ARL6: variants seen among roughly 807,000 people sequenced by gnomAD.
The protein encoded by ARL6 is ARF like GTPase 6, also known as ADP-ribosylation factor-like protein 6.
A neutral mutation model predicts 27.1 loss-of-function variants in ARL6; 18 were observed. The ratio of observed to expected loss-of-function variants is 0.66; its 90% CI spans 0.46 to 0.98. The LOEUF is 0.98. Ranked by LOEUF, ARL6 falls within the 50% of genes least tolerant of loss-of-function variation. The probability of loss-of-function intolerance (pLI) is 0.00; values close to 1 mark genes in which losing one functional copy is unlikely to be tolerated. For missense variants in ARL6, 187 were observed against 214.9 expected, an observed-to-expected ratio of 0.87 and a Z score of 0.81; for synonymous variants, 65 against 72.3, an observed-to-expected ratio of 0.90 and a Z score of 0.51.
At chr3:97,789,135 G>A (rs2037601960) in intron 6 of ARL6, among the ~76,000 whole-genome samples, 1 of 152,144 alleles carries the variant, frequency 6.6e-6, no homozygotes, top group Non-Finnish European at 1.5e-5. Context: ...ACACTTTCCA[G>A]TATTCAGAGC....
chr3:97,787,933 G>C (rs1489972745), intron 5 of ARL6, 57 bp from the exon 6 acceptor site: 3 of 1,596,420 alleles, frequency 1.9e-6, no homozygotes, highest in Non-Finnish European at 2.6e-6. Flanking sequence ...CTAAAGATTT[G>C]CTGCAAAATG....
intron 4 of ARL6, among the ~76,000 whole-genome samples, chr3:97,781,111 G>C (rs1186304069): frequency 6.6e-6 from 1 of 152,046 alleles, no homozygotes; most frequent in African/African-American, 2.4e-5. Context: ...CTCCCTAGTG[G>C]AAGTGTGAAC....
chr3:97,774,981 C>T (rs1259799768), intron 2 of ARL6, among the ~76,000 whole-genome samples: 1 of 152,126 alleles, frequency 6.6e-6, no homozygotes. Context: ...AACTACTTAC[C>T]GCTCACGAGC....
chr3:97,797,590 A>G (rs1576484646), intron 7 of ARL6, among the ~76,000 whole-genome samples: 1 of 152,194 alleles, frequency 6.6e-6, no homozygotes, highest in Non-Finnish European at 1.5e-5. Context: ...TATATTATTT[A>G]GAGGTATTAT....
intron 2 of ARL6, among the ~76,000 whole-genome samples, chr3:97,779,727 G>A (rs554826090): frequency 4.6e-5 from 7 of 152,092 alleles, no homozygotes; most frequent in African/African-American, 9.6e-5. Flanking sequence ...TTAGCCAGGC[G>A]TGGTGGCGGG....
chr3:97,792,992 GCAAA>G (rs999072868), intron 7 of ARL6, among the ~76,000 whole-genome samples: 1 of 151,916 alleles, frequency 6.6e-6, no homozygotes, highest in Non-Finnish European at 1.5e-5. Context: ...TCTGCATGTT[GCAAA>G]CAATAGCAGG....
chr3:97,777,532 G>C (rs1424791851), intron 2 of ARL6, among the ~76,000 whole-genome samples: 1 of 151,930 alleles, frequency 6.6e-6, no homozygotes, highest in Non-Finnish European at 1.5e-5. Context: ...TATTTTTATT[G>C]TTAAATAGTA....
chr3:97,768,855 T>C (rs942973414), intron 2 of ARL6, among the ~76,000 whole-genome samples: 8 of 151,738 alleles, frequency 5.3e-5, no homozygotes, highest in African/African-American at 1.5e-4. Flanking sequence ...TTGGCTTTGC[T>C]TTTTTTTCTT....
chr3:97,771,626 GT>G (rs2036639970), intron 2 of ARL6, among the ~76,000 whole-genome samples: 1 of 148,538 alleles, frequency 6.7e-6, no homozygotes, highest in Non-Finnish European at 1.5e-5. Flanking sequence ...TCTCCATTCA[GT>G]ATATTAGCTC....
chr3:97,767,136 A>T (rs1393171325), intron 1 of ARL6, among the ~76,000 whole-genome samples: 2 of 152,098 alleles, frequency 1.3e-5, no homozygotes, highest in Non-Finnish European at 2.9e-5. Context: ...AGTTTGCATT[A>T]GAAAGAATTT....
intron 2 of ARL6, among the ~76,000 whole-genome samples, chr3:97,773,954 G>C (rs561751920): frequency 6.6e-6 from 1 of 152,254 alleles, no homozygotes; most frequent in Non-Finnish European, 1.5e-5. Context: ...GGAGGGTCTG[G>C]TCCATATGTA....
At chr3:97,768,772 T>C (rs1312857902) in intron 2 of ARL6, among the ~76,000 whole-genome samples, 1 of 152,106 alleles carries the variant, frequency 6.6e-6, no homozygotes, top group African/African-American at 2.4e-5. Flanking sequence ...TGGCACCAAT[T>C]CCTGAGCCTT....
chr3:97,789,823 C>G (rs1004430857), intron 6 of ARL6, among the ~76,000 whole-genome samples: 3 of 152,022 alleles, frequency 2.0e-5, no homozygotes, highest in Non-Finnish European at 4.4e-5. Context: ...AGGTAATGCT[C>G]TCAGTGATAC....
intron 6 of ARL6, among the ~76,000 whole-genome samples, chr3:97,789,856 C>T (rs116292400): frequency 0.014 from 2,095 of 152,118 alleles, 49 homozygotes; most frequent in African/African-American, 0.048. Context: ...TTATCTGTCT[C>T]CTGCCTTGGG....
intron 7 of ARL6, 118 bp from the exon 8 acceptor site, chr3:97,797,906 A>G: frequency 1.1e-6 from 1 of 945,880 alleles, no homozygotes; most frequent in Non-Finnish European, 1.7e-6. Flanking sequence ...AATAATAATA[A>G]CAAAAGCACA....
chr3:97,792,915 C>T (rs2108089705), intron 7 of ARL6, among the ~76,000 whole-genome samples: 1 of 152,080 alleles, frequency 6.6e-6, no homozygotes, highest in Middle Eastern at 3.4e-3. Flanking sequence ...GCTACAGTCT[C>T]ATAGTTACAA....
At chr3:97,768,854 C>CT (rs911341891) in intron 2 of ARL6, among the ~76,000 whole-genome samples, 3 of 151,538 alleles carry the variant, frequency 2.0e-5, no homozygotes, top group African/African-American at 4.8e-5. Flanking sequence ...ATTGGCTTTG[C>CT]TTTTTTTTCT....
At chr3:97,782,825 T>TAAA (rs530843518) in intron 4 of ARL6, among the ~76,000 whole-genome samples, 1 of 144,760 alleles carries the variant, frequency 6.9e-6, no homozygotes, top group African/African-American at 2.5e-5. Context: ...ACCATAGTAG[T>TAAA]AAAAAAAAAA....
At chr3:97,769,102 T>C (rs1222048086) in intron 2 of ARL6, among the ~76,000 whole-genome samples, 4 of 152,080 alleles carry the variant, frequency 2.6e-5, no homozygotes, top group African/African-American at 9.7e-5. Flanking sequence ...TGCAAAAAAA[T>C]AGTGCCCATC....
Sources: gnomAD v4.1 joint callset for allele counts (sites outside exome capture counted in the v4.1 genomes callset) on GRCh38, gnomAD v4.1.1 for gene constraint, MANE v1.5 for transcripts, NCBI Gene and HGNC (gene_info 2026-07-23, HGNC 2026-07-21) for gene names.